The following PFKL variants were observed in gnomAD, a reference collection of about 807,000 sequenced individuals.
The protein encoded by PFKL is ATP-dependent 6-phosphofructokinase, liver type.
Under a neutral mutation model 92.1 loss-of-function variants are expected in PFKL, and 74 were observed. The ratio of observed to expected loss-of-function variants is 0.80; its 90% CI spans 0.67 to 0.97. The LOEUF is 0.97. Among genes scored for constraint, PFKL ranks in the 50% least tolerant of loss-of-function variants. The pLI is 0.00. For missense variants in PFKL, 1,028 were observed against 1,116.6 expected, an observed-to-expected ratio of 0.92 and a Z score of 1.13; for synonymous variants, 494 against 456.4, an observed-to-expected ratio of 1.08 and a Z score of -1.05.
chr21:44,300,590 C>T (rs1484120369), intron 1 of PFKL, among the ~76,000 whole-genome samples: 5 of 152,160 alleles, frequency 3.3e-5, no homozygotes, highest in African/African-American at 2.4e-5. Context: ...CGAGGGCCGG[C>T]GCCAGGCTGC....
At chr21:44,305,649 C>T in intron 1 of PFKL, 4 of 856,890 alleles carry the variant, frequency 4.7e-6, no homozygotes, top group Non-Finnish European at 6.4e-6. Context: ...GCGTGGGTTT[C>T]CTCCTCTCTG....
intron 15 of PFKL, among the ~76,000 whole-genome samples, chr21:44,323,410 G>C (rs968233285): frequency 2.0e-5 from 3 of 152,214 alleles, no homozygotes; most frequent in Middle Eastern, 3.2e-3. Flanking sequence ...AGAGGTGTAG[G>C]TGCTGGACGG....
chr21:44,326,655 G>A, intron 21 of PFKL, 60 bp from the exon 22 acceptor site: 1 of 1,565,046 alleles, frequency 6.4e-7, no homozygotes, highest in Non-Finnish European at 8.7e-7. Flanking sequence ...CTGGGGACGT[G>A]GCTGAAGAGC....
At chr21:44,305,223 G>A in intron 1 of PFKL, 1 of 1,277,962 alleles carries the variant, frequency 7.8e-7, no homozygotes, top group Admixed American at 2.3e-5. Context: ...GCTGCTACGT[G>A]AGAACAGTGT....
intron 17 of PFKL, 51 bp downstream of exon 17, chr21:44,324,706 G>A (rs1568972168): frequency 6.4e-7 from 1 of 1,562,802 alleles, no homozygotes; most frequent in Non-Finnish European, 8.7e-7. Context: ...ATGCCAGCCT[G>A]GGCCCCAGAC....
rs2047066941 is a variant in PFKL at position 44,312,248 on chromosome 21, C to G, written c.381C>G (p.Ile127Met). Residue 127 changes from isoleucine (I) to methionine (M), a missense_variant, in exon 4 of 22, where the codon ATC becomes ATG. Physicochemically the swap from Ile to Met is conservative, Grantham distance 10. Coordinates refer to ENST00000349048, the MANE Select transcript of PFKL (RefSeq NM_002626.6). ...GGDGSLTGAN[I>M]FRSEWGSLLE... Reference sequence around the variant, plus strand: ...ATGGCAGCCTCACAGGTGCCAACATCTTCCGCAGCGAGTGGGGCAGCCTGC... The same window carrying G: ...ATGGCAGCCTCACAGGTGCCAACATGTTCCGCAGCGAGTGGGGCAGCCTGC... The G allele has an allele frequency of 1.3e-6, 2 of 1,599,230 alleles. No individual in the cohort carries two copies. Among genetic ancestry groups the G allele is most frequent in the Admixed American group, 1.7e-5 (1 of 58,532 alleles).
chr21:44,303,410 C>CAAAAAAAAAAAAAAAAAAAAA (rs1190805609), intron 1 of PFKL, among the ~76,000 whole-genome samples: 2 of 9,164 alleles, frequency 2.2e-4, no homozygotes, highest in African/African-American at 7.2e-4. Flanking sequence ...GACTCTGTCT[C>CAAAAAAAAAAAAAAAAAAAAA]AAAAAAAAAA....
intron 2 of PFKL, among the ~76,000 whole-genome samples, chr21:44,310,146 G>A (rs964759219): frequency 1.1e-4 from 16 of 152,226 alleles, no homozygotes; most frequent in Non-Finnish European, 5.9e-5. Context: ...GGAGGAGGCC[G>A]CCCTTCTCCT....
chr21:44,324,754 T>A, intron 17 of PFKL, 99 bp downstream of exon 17: 1 of 1,567,136 alleles, frequency 6.4e-7, no homozygotes, highest in East Asian at 2.3e-5. Flanking sequence ...CCCGGGCAGG[T>A]GGGACGCGTA....
At chr21:44,303,107 A>C (rs1472581033) in intron 1 of PFKL, among the ~76,000 whole-genome samples, 1 of 152,024 alleles carries the variant, frequency 6.6e-6, no homozygotes, top group Non-Finnish European at 1.5e-5. Context: ...GGTGGTGCGC[A>C]TCTGTAATCC....
chr21:44,311,355 C>T (rs73231247), intron 3 of PFKL, among the ~76,000 whole-genome samples: 2,315 of 151,820 alleles, frequency 0.015, 30 homozygotes, highest in Non-Finnish European at 0.021. Context: ...GACACACAGA[C>T]GTGCACACAG....
At chr21:44,314,055 T>C in intron 7 of PFKL, 34 bp downstream of exon 7, 17 of 1,461,856 alleles carry the variant, frequency 1.2e-5, no homozygotes, top group Non-Finnish European at 1.6e-5. Flanking sequence ...GGGCCGCAGG[T>C]GTCCTGGTGC....
chr21:44,311,181 C>A, intron 3 of PFKL, 98 bp downstream of exon 3: 1 of 859,702 alleles, frequency 1.2e-6, no homozygotes, highest in Non-Finnish European at 1.8e-6. Flanking sequence ...GAGACAGACA[C>A]GTGCACAAAC....
intron 1 of PFKL, among the ~76,000 whole-genome samples, chr21:44,301,057 C>G (rs1750045201): frequency 6.6e-6 from 1 of 152,210 alleles, no homozygotes; most frequent in Admixed American, 6.5e-5. Flanking sequence ...GCAGCGGGGT[C>G]TGGTCTGTCT....
Position 44,324,619 on chromosome 21 carries a change from C to T in PFKL, c.1779C>T (p.Tyr593=), listed in dbSNP as rs771701482. The T allele has an allele frequency of 4.4e-5, 71 of 1,608,342 alleles. No individual in the cohort carries two copies. The highest frequency in any genetic ancestry group is 1.3e-4 in the East Asian group (6 of 44,800). The change falls in exon 17 of 22, where the codon TAC becomes TAT. Residue 593 remains tyrosine (Y), a synonymous_variant. Coordinates refer to ENST00000349048, the MANE Select transcript of PFKL (RefSeq NM_002626.6). ...TTGCTGTGGGGGCCGACGCCGCCTA[C>T]GTCTTCGAGGACCCTTTCAACATCC... The part of the protein sequence containing the change: ...TGIAVGADAA[Y]VFEDPFNIHD...
At position 44,311,013 on chromosome 21, in the gene PFKL, A is replaced by G. The variant is rs748712318; in HGVS notation, c.167A>G (p.Glu56Gly). The change falls in exon 3 of 22, where the codon GAG becomes GGG. Residue 56 changes from glutamate (E) to glycine (G), a missense_variant. Physicochemically the swap from Glu to Gly is moderately conservative, Grantham distance 98. Coordinates refer to ENST00000349048, the MANE Select transcript of PFKL (RefSeq NM_002626.6). The stretch of plus-strand genomic sequence containing the variant: ...CCCCACTCTTGATTTCAGGGCTATG[A>G]GGGCCTCGTGGAGGGAGGTGAGAAC... The part of the protein sequence containing the change: ...AKVFLIYEGY[E>G]GLVEGGENIK... 15 of 1,612,698 alleles carry G rather than the reference A, an allele frequency of 9.3e-6. No individual in the cohort carries two copies. Among genetic ancestry groups the G allele is most frequent in the Non-Finnish European group, 1.3e-5 (15 of 1,179,296 alleles).
chr21:44,323,440 C>T (rs1353789833), intron 15 of PFKL, among the ~76,000 whole-genome samples: 2 of 152,178 alleles, frequency 1.3e-5, no homozygotes, highest in African/African-American at 4.8e-5. Flanking sequence ...ACGTGGTGTC[C>T]TGGCACTGGG....
intron 1 of PFKL, among the ~76,000 whole-genome samples, chr21:44,304,716 G>A (rs1220917064): frequency 9.4e-5 from 11 of 117,552 alleles, no homozygotes; most frequent in African/African-American, 3.5e-4. Context: ...TCTGTCTCGG[G>A]GGGCTTGGCT....
intron 9 of PFKL, among the ~76,000 whole-genome samples, chr21:44,317,359 A>G (rs746010592): frequency 9.2e-5 from 14 of 152,176 alleles, no homozygotes; most frequent in East Asian, 1.9e-4. Flanking sequence ...GGGCCACTCT[A>G]TAGAGGGGAG....
Sources: gnomAD v4.1 joint callset for allele counts (sites outside exome capture counted in the v4.1 genomes callset) on GRCh38, gnomAD v4.1.1 for gene constraint, MANE v1.5 for transcripts, NCBI Gene and HGNC (gene_info 2026-07-23, HGNC 2026-07-21) for gene names.